The following TBX10 variants were observed in gnomAD, a reference collection of about 807,000 sequenced individuals.
TBX10 encodes the protein T-box transcription factor TBX10.
In TBX10, 26 loss-of-function variants were observed where a neutral mutation model predicts 32.4. That is an observed-to-expected ratio of 0.80 (90% CI 0.59 to 1.11). The LOEUF (loss-of-function observed/expected upper bound fraction) is 1.11. Among genes scored for constraint, TBX10 ranks in the 50% most tolerant of loss-of-function variants. TBX10 has a pLI of 0.00. For synonymous variants in TBX10, 195 were observed against 203.1 expected (o/e 0.96, Z 0.34); for missense variants, 490 against 494.5 (o/e 0.99, Z 0.09).
At chr11:67,633,747 C>A (rs1255635627) in intron 4 of TBX10, among the ~76,000 whole-genome samples, 3 of 152,234 alleles carry the variant, frequency 2.0e-5, no homozygotes, top group Non-Finnish European at 4.4e-5. Flanking sequence ...TCTCCGCCCC[C>A]CTTCCGTACC....
upstream of TBX10, among the ~76,000 whole-genome samples, chr11:67,641,194 C>T (rs1209790185): frequency 6.6e-6 from 1 of 151,976 alleles, no homozygotes; most frequent in Non-Finnish European, 1.5e-5. Context: ...CCGAGACACC[C>T]AGGGGAGGGC....
rs543475413 is a variant in TBX10 at position 67,639,710 on chromosome 11, T to C, written c.-238A>G. 1.4e-5 allele frequency: 9 copies of C among 639,080 alleles called. No homozygotes were observed. Among genetic ancestry groups the C allele is most frequent in the African/African-American group, 7.2e-5 (4 of 55,870 alleles). 39.6% of individuals were successfully genotyped at this position (639,080 alleles called of 1,614,324 possible). A position where few individuals can be genotyped will look rare whatever the true frequency, so the allele number is the denominator to read the frequency against. On this transcript the variant is annotated 5_prime_UTR_variant, in exon 1 of 8. Coordinates refer to ENST00000335385, the MANE Select transcript of TBX10 (RefSeq NM_005995.5). ...GGACCCCTGGTCTCCGAAGGTGAGA[T>C]GCAGGCTCTGGGGCGTGCAGCGGCC...
intron 1 of TBX10, 124 bp downstream of exon 1, chr11:67,639,342 C>T: frequency 7.1e-7 from 1 of 1,409,084 alleles, no homozygotes; most frequent in South Asian, 1.2e-5. Flanking sequence ...CCTGGGGTGC[C>T]CCTGCCCCAC....
chr11:67,640,739 T>TG (rs1403412412), upstream of TBX10, among the ~76,000 whole-genome samples: 1 of 152,094 alleles, frequency 6.6e-6, no homozygotes. Flanking sequence ...TTGGGGATGC[T>TG]GGGTTGGCAG....
chr11:67,635,085 C>A lies in TBX10; in HGVS notation c.186G>T (p.Val62=). The A allele has an allele frequency of 1.2e-6, 2 of 1,613,910 alleles. No homozygotes were observed. Among genetic ancestry groups the A allele is most frequent in the Non-Finnish European group, 1.7e-6 (2 of 1,180,040 alleles). ...TCTCCAGCTGAACTGTCACTCTGGA[C>A]ACACGTGGGTTCTTGGGGCCCTGCC... The part of the protein sequence containing the change: ...PTGQGPKNPR[V]SRVTVQLEMK... Residue 62 remains valine (V), a synonymous_variant, in exon 2 of 8, where the codon GTG becomes GTT. Transcript: ENST00000335385.
rs932235847 is a variant in TBX10, at chr11:67,639,565, T to C, written c.-93A>G. 1 of 1,554,060 alleles carries C rather than the reference T, an allele frequency of 6.4e-7. No homozygotes were observed. Among genetic ancestry groups the C allele is most frequent in the African/African-American group, 1.4e-5 (1 of 73,574 alleles). On this transcript the variant is annotated 5_prime_UTR_variant, in exon 1 of 8. Transcript: ENST00000335385. ...GAAGGGGTGGTCACCACTCGTCCACTCGGCACCTCAGCTCAGCCCTCAGGT... is the reference window on the plus strand; with the variant it reads ...GAAGGGGTGGTCACCACTCGTCCACCCGGCACCTCAGCTCAGCCCTCAGGT...
rs201024467 is a variant in TBX10 at position 67,634,830 on chromosome 11, G to A, written c.363C>T (p.Asp121=). Residue 121 remains aspartate (D), a synonymous_variant, in exon 3 of 8, where the codon GAC becomes GAT. Transcript: ENST00000335385. ...GGTCCCCGCACCTGTATCTCTTGTC[G>A]TCCAGGGGGATGAAGTCCATGAGCA... The part of the protein sequence containing the change: ...YALLMDFIPL[D]DKRYRYAFHS... The A allele has an allele frequency of 3.0e-5, 48 of 1,613,498 alleles. No homozygotes were observed. The Admixed American group carries it at 3.5e-4, about 12-fold the overall frequency.
At chr11:67,638,218 T>A (rs931074700) in intron 1 of TBX10, among the ~76,000 whole-genome samples, 3 of 150,644 alleles carry the variant, frequency 2.0e-5, no homozygotes, top group African/African-American at 4.9e-5. Flanking sequence ...AAAAAATAAA[T>A]AAATAAATAA....
At position 67,631,558 on chromosome 11, in the gene TBX10, C is replaced by G. The variant is rs1156706937; in HGVS notation, c.*47G>C. 5.1e-6 allele frequency: 8 copies of G among 1,560,086 alleles called. No homozygotes were observed. The highest frequency in any genetic ancestry group is 6.9e-6 in the Non-Finnish European group (8 of 1,160,610). On this transcript the variant is annotated 3_prime_UTR_variant, in exon 8 of 8. Coordinates refer to ENST00000335385, the MANE Select transcript of TBX10 (RefSeq NM_005995.5). Reference sequence around the variant, plus strand: ...CGGGGCAGAGGCTGATTCCCACACCCGGTGTAAGGTCCAGGGTAGCAGGGC... The same window carrying G: ...CGGGGCAGAGGCTGATTCCCACACCGGGTGTAAGGTCCAGGGTAGCAGGGC...
rs1855251471 is a variant in TBX10, at chr11:67,632,427, G to A, written c.774-15C>T. The stretch of plus-strand genomic sequence containing the variant: ...GGGCCACAGGCCTGAAAGAGCAAGC[G>A]AGAATGGGGGGAGGGGATCAAGGGG... On this transcript the variant is annotated splice_polypyrimidine_tract_variant and intron_variant, in intron 6 of 7. Transcript: ENST00000335385. 2 of 1,608,300 alleles carry A rather than the reference G, an allele frequency of 1.2e-6. No homozygotes were observed. Among genetic ancestry groups the A allele is most frequent in the South Asian group, 1.1e-5 (1 of 90,984 alleles).
rs757110668 is a variant in TBX10 at position 67,635,078 on chromosome 11, C to G, written c.193G>C (p.Val65Leu). 1 of 1,613,922 alleles carries G rather than the reference C, an allele frequency of 6.2e-7. No individual in the cohort carries two copies. The change falls in exon 2 of 8, where the codon GTG becomes CTG. Residue 65 changes from valine (V) to leucine (L), a missense_variant. Physicochemically the swap from Val to Leu is conservative, Grantham distance 32. Around this residue, in one of 3 missense-constraint regions of TBX10, gnomAD observed 307 missense variants for 294.9 expected, o/e 1.04. Coordinates refer to ENST00000335385, the MANE Select transcript of TBX10 (RefSeq NM_005995.5). ...GGCTTCATCTCCAGCTGAACTGTCA[C>G]TCTGGACACACGTGGGTTCTTGGGG... Reference protein sequence around the residue: ...QGPKNPRVSRVTVQLEMKPLW... With the variant: ...QGPKNPRVSRLTVQLEMKPLW...
intron 1 of TBX10, 60 bp downstream of exon 1, chr11:67,639,400 CTGCCCA>C: frequency 1.4e-6 from 1 of 712,986 alleles, no homozygotes; most frequent in Non-Finnish European, 2.5e-6. Flanking sequence ...GGTTCCCACC[CTGCCCA>C]CCCACCCTGG....
rs138311756 is a variant in TBX10 at position 67,634,675 on chromosome 11, G to A, written c.377+141C>T. On this transcript the variant is annotated intron_variant, in intron 3 of 7. Coordinates refer to ENST00000335385, the MANE Select transcript of TBX10 (RefSeq NM_005995.5). ...CCTCCTGCCCTCAGGCTGTTGTTGC[G>A]TGTCTGTCGTCCTGCCCTTAGGCTG... The A allele has an allele frequency of 3.0e-4, 282 of 947,110 alleles. 1 individual carries two copies. The highest frequency in any genetic ancestry group is 7.7e-4 in the South Asian group (56 of 72,260). 58.7% of individuals were successfully genotyped at this position (947,110 alleles called of 1,614,324 possible). A position where few individuals can be genotyped will look rare whatever the true frequency, so the allele number is the denominator to read the frequency against.
chr11:67,635,473 G>T (rs897460424), intron 1 of TBX10, among the ~76,000 whole-genome samples: 2 of 152,194 alleles, frequency 1.3e-5, no homozygotes, highest in Non-Finnish European at 2.9e-5. Flanking sequence ...TAGTGTCAGG[G>T]CCTGTCTTGC....
intron 1 of TBX10, among the ~76,000 whole-genome samples, chr11:67,637,984 G>C (rs1302431266): frequency 6.6e-6 from 1 of 152,174 alleles, no homozygotes; most frequent in Non-Finnish European, 1.5e-5. Context: ...GAGGCGGGTA[G>C]GTCACTTGAG....
rs754716841 is a variant in TBX10 at position 67,631,611 on chromosome 11, G to A, written c.1152C>T (p.Ser384=). ...CCCCCCAGGGCTTCTGGCATCACTG[G>A]GAGTCCTGGCCAGGCCCCAGGCACA... ...TVVCLGPGQD[S]Q The change falls in exon 8 of 8, where the codon TCC becomes TCT. Residue 384 remains serine, a synonymous_variant. Coordinates refer to ENST00000335385, the MANE Select transcript of TBX10 (RefSeq NM_005995.5). 3 of 1,596,320 alleles carry A rather than the reference G, an allele frequency of 1.9e-6. No homozygotes were observed. The African/African-American group carries it at 4.0e-5, about 21-fold the overall frequency.
chr11:67,638,240 T>A (rs754402476), intron 1 of TBX10, among the ~76,000 whole-genome samples: 102 of 141,264 alleles, frequency 7.2e-4, no homozygotes, highest in Non-Finnish European at 1.1e-3. Context: ...TAAATAAATA[T>A]AAATAAATAA....
intron 1 of TBX10, among the ~76,000 whole-genome samples, chr11:67,635,901 C>T (rs1855321089): frequency 6.6e-6 from 1 of 152,084 alleles, no homozygotes; most frequent in East Asian, 1.9e-4. Flanking sequence ...GTCTTTTGAT[C>T]TGCAATCCCG....
In TBX10 at chr11:67,633,022, C is replaced by T. The variant is rs755971155; in HGVS notation, c.631G>A (p.Ala211Thr). 3 of 1,614,208 alleles carry T rather than the reference C, an allele frequency of 1.9e-6. No homozygotes were observed. In the African/African-American group the frequency reaches 4.0e-5, roughly 22 times the overall value. Residue 211 changes from alanine to threonine, a missense_variant, in exon 5 of 8, where the codon GCC becomes ACC. This residue lies in a region of TBX10 where 307 missense variants were observed against 294.9 expected (regional missense o/e 1.04). Coordinates refer to ENST00000335385, the MANE Select transcript of TBX10 (RefSeq NM_005995.5). Reference sequence around the variant, plus strand: ...ATGAAGGACTTGAAGTTCTCCTGGGCATAGCGCTCACTGTCCTTGCGTGGG... The same window carrying T: ...ATGAAGGACTTGAAGTTCTCCTGGGTATAGCGCTCACTGTCCTTGCGTGGG... ...VDPRKDSERY[A>T]QENFKSFIFT...
Sources: allele counts gnomAD v4.1 joint callset (sites outside exome capture counted in the v4.1 genomes callset), GRCh38; gene constraint gnomAD v4.1.1; regional missense constraint gnomAD v4.1.1; transcripts MANE v1.5; gene names NCBI Gene and HGNC (gene_info 2026-07-23, HGNC 2026-07-21).